FANCD2: variants seen among roughly 807,000 people sequenced by gnomAD.
FANCD2 encodes the protein Fanconi anemia group D2 protein.
Under a neutral mutation model 192.3 loss-of-function variants are expected in FANCD2, and 131 were observed. That is an observed-to-expected ratio of 0.68 (90% CI 0.59 to 0.79). FANCD2 has a LOEUF of 0.79. Ranked by LOEUF, FANCD2 falls within the 30% of genes least tolerant of loss-of-function variation. The pLI is 0.00. For missense variants in FANCD2, 1,508 were observed against 1,701.6 expected, an observed-to-expected ratio of 0.89 and a Z score of 2.00; for synonymous variants, 524 against 612.5, an observed-to-expected ratio of 0.86 and a Z score of 2.13.
chr3:10,062,115 A>G, intron 19 of FANCD2, 36 bp from the exon 20 acceptor site: 3 of 1,499,240 alleles, frequency 2.0e-6, no homozygotes, highest in Non-Finnish European at 2.7e-6. Flanking sequence ...AACTTAAAGT[A>G]TAATAATAAT....
intron 37 of FANCD2, among the ~76,000 whole-genome samples, chr3:10,091,293 C>G (rs1694593102): frequency 6.6e-6 from 1 of 151,644 alleles, no homozygotes; most frequent in Non-Finnish European, 1.5e-5. Flanking sequence ...GTTGCTCAGG[C>G]TGGTCTTGAA....
rs1559383527 is a variant in FANCD2, at chr3:10,054,481, T to TA, written c.1656+1984_1656+1985insA. ...TATATATATATATATATATTTTTTT[T>TA]TTTTTTTTTTTTTTTTTTTTGAGAT... On this transcript the variant is annotated intron_variant, in intron 18 of 43. Coordinates refer to ENST00000675286, the MANE Select transcript of FANCD2 (RefSeq NM_001018115.3). 9.1e-5 allele frequency among the ~76,000 whole-genome samples: 5 copies of TA among 55,054 alleles called. No homozygotes were observed. The East Asian group carries it at 2.0e-3, about 22-fold the overall frequency. The allele number at this position is 55,054 out of a possible 152,430, so 36.1% of individuals were successfully genotyped here. A position where few individuals can be genotyped will look rare whatever the true frequency, so the allele number is the denominator to read the frequency against.
intron 2 of FANCD2, among the ~76,000 whole-genome samples, chr3:10,030,951 C>A (rs28684871): frequency 0.24 from 36,055 of 151,410 alleles, 5,633 homozygotes; most frequent in African/African-American, 0.45. Context: ...TAATGGGGTT[C>A]TAGAATTAGA....
intron 18 of FANCD2, among the ~76,000 whole-genome samples, chr3:10,057,567 G>A (rs1274838448): frequency 6.6e-6 from 1 of 152,092 alleles, no homozygotes; most frequent in Non-Finnish European, 1.5e-5. Context: ...GTTTCACCAT[G>A]TTGGCCAGGA....
Position 10,041,591 on chromosome 3 carries a change from A to T in FANCD2, c.696-32A>T, listed in dbSNP as rs755297230. On this transcript the variant is annotated intron_variant, in intron 9 of 43. Transcript: ENST00000675286. Reference sequence around the variant, plus strand: ...TCTGCCCAGCTCTGTTCAAACCATTATACAACTTTTTTCTTTTTCTACCAT... The same window carrying T: ...TCTGCCCAGCTCTGTTCAAACCATTTTACAACTTTTTTCTTTTTCTACCAT... 3.4e-6 allele frequency: 5 copies of T among 1,452,876 alleles called. No homozygotes were observed. The Admixed American group carries it at 8.4e-5, about 24-fold the overall frequency. 90.0% of individuals were successfully genotyped at this position (1,452,876 alleles called of 1,614,324 possible). A position where few individuals can be genotyped will look rare whatever the true frequency, so the allele number is the denominator to read the frequency against.
chr3:10,033,133 G>A (rs554312046), intron 3 of FANCD2, among the ~76,000 whole-genome samples, 161 bp downstream of exon 3: 2 of 152,132 alleles, frequency 1.3e-5, no homozygotes, highest in South Asian at 2.1e-4. Context: ...CAGTCAGGCC[G>A]GGCGCGGTGG....
At chr3:10,057,148 G>C (rs1175353119) in intron 18 of FANCD2, among the ~76,000 whole-genome samples, 3 of 152,020 alleles carry the variant, frequency 2.0e-5, no homozygotes, top group Admixed American at 6.5e-5. Context: ...GAGCCACCGT[G>C]CTCAGCCCTT....
At chr3:10,085,651 A>T in intron 32 of FANCD2, 161 bp from the exon 33 acceptor site, 1 of 639,100 alleles carries the variant, frequency 1.6e-6, no homozygotes, top group Non-Finnish European at 3.0e-6. Flanking sequence ...CAGCCTCCCG[A>T]AGTGCTGGGA....
chr3:10,029,732 C>A (rs140384762), intron 2 of FANCD2, among the ~76,000 whole-genome samples: 31 of 152,306 alleles, frequency 2.0e-4, no homozygotes, highest in African/African-American at 7.5e-4. Context: ...TCCCTAACCC[C>A]CCTTCCACCC....
chr3:10,084,057 G>T (rs963790836), intron 32 of FANCD2, among the ~76,000 whole-genome samples: 1 of 150,684 alleles, frequency 6.6e-6, no homozygotes, highest in Non-Finnish European at 1.5e-5. Context: ...GCAGTGGCGC[G>T]ATCTCGGCTC....
chr3:10,056,233 T>G, intron 18 of FANCD2, among the ~76,000 whole-genome samples: 1 of 152,346 alleles, frequency 6.6e-6, no homozygotes, highest in Non-Finnish European at 1.5e-5. Flanking sequence ...TGATGGACAC[T>G]TGGGTTGTTT....
At position 10,043,065 on chromosome 3, in the gene FANCD2, CG is replaced by C. The variant is rs763403740; in HGVS notation, c.907del (p.Glu303ArgfsTer19). 2 of 1,614,002 alleles carry C rather than the reference CG, an allele frequency of 1.2e-6. No homozygotes were observed. The highest frequency in any genetic ancestry group is 1.7e-6 in the Non-Finnish European group (2 of 1,179,960). On this transcript the variant is annotated frameshift_variant, in exon 12 of 44. Transcript: ENST00000675286. LOFTEE classifies it high-confidence loss of function. ...CTTTCTGCAGGTAATTTCTGAGCTT[CG>C]GGAGAAGTTGGATCTGCAGCATTGT... ...MDTLEVISELREKLDLQHCVL... is the reference protein window; with the variant it reads ...MDTLEVISELXEKLDLQHCVL...
chr3:10,088,638 A>G, intron 35 of FANCD2, 96 bp downstream of exon 35: 1 of 1,106,916 alleles, frequency 9.0e-7, no homozygotes, highest in Non-Finnish European at 1.4e-6. Flanking sequence ...TTTTAGTGGG[A>G]ATTTGAAAAC....
chr3:10,063,666 C>G, intron 20 of FANCD2, 126 bp from the exon 21 acceptor site: 1 of 1,270,848 alleles, frequency 7.9e-7, no homozygotes, highest in Non-Finnish European at 1.1e-6. Context: ...TTCAGGAAAA[C>G]TTCAAGTGAG....
chr3:10,035,605 TTTA>T (rs1263612883), intron 6 of FANCD2, among the ~76,000 whole-genome samples: 5 of 152,314 alleles, frequency 3.3e-5, no homozygotes, highest in African/African-American at 1.2e-4. Context: ...CCTCGTCTCT[TTTA>T]TTAAGTAGAC....
chr3:10,070,576 TACTGGGAAGTGAGGAGC>T (rs1693171718), intron 26 of FANCD2, among the ~76,000 whole-genome samples: 1 of 142,712 alleles, frequency 7.0e-6, no homozygotes, highest in East Asian at 2.1e-4. Flanking sequence ...CGGCCGCCCC[TACTGGGAAGTGAGGAGC>T]CCCTCTGCCC....
chr3:10,078,956 A>AT (rs1193054269), intron 30 of FANCD2, among the ~76,000 whole-genome samples: 4 of 149,900 alleles, frequency 2.7e-5, no homozygotes, highest in Non-Finnish European at 3.0e-5. Flanking sequence ...CAAAAAAAAA[A>AT]GTCTACCTGT....
chr3:10,064,776 A>G lies in FANCD2; in HGVS notation c.2069A>G (p.Asp690Gly), dbSNP rs1420762700. 2 of 1,613,978 alleles carry G rather than the reference A, an allele frequency of 1.2e-6. No individual in the cohort carries two copies. Among genetic ancestry groups the G allele is most frequent in the Non-Finnish European group, 1.7e-6 (2 of 1,179,938 alleles). ...VKALYGLEEY[D>G]TQDGIAINLL... ...GCACTGTACGGACTGGAAGAATACG[A>G]CACTCAGGATGGGATTGCCATAAAC... The change falls in exon 23 of 44, where the codon GAC (aspartate) becomes GGC (glycine). Residue 690 changes from aspartate to glycine, a missense_variant. This residue lies in a region of FANCD2 where 59 missense variants were observed against 111.9 expected (regional missense o/e 0.53). Transcript: ENST00000675286.
At chr3:10,069,204 C>T (rs2087802356) in intron 26 of FANCD2, among the ~76,000 whole-genome samples, 1 of 151,890 alleles carries the variant, frequency 6.6e-6, no homozygotes, top group Non-Finnish European at 1.5e-5. Flanking sequence ...AAGGAAACAC[C>T]AAAGTGAAGA....
Sources: allele counts gnomAD v4.1 joint callset (sites outside exome capture counted in the v4.1 genomes callset), GRCh38; gene constraint gnomAD v4.1.1; regional missense constraint gnomAD v4.1.1; transcripts MANE v1.5; gene names NCBI Gene and HGNC (gene_info 2026-07-23, HGNC 2026-07-21).